NDUFAF6: variants seen among roughly 807,000 people sequenced by gnomAD.
NDUFAF6 encodes NADH dehydrogenase (ubiquinone) complex I, assembly factor 6.
A neutral mutation model predicts 40.8 loss-of-function variants in NDUFAF6; 45 were observed. The ratio of observed to expected loss-of-function variants is 1.10; its 90% CI spans 0.87 to 1.42. The LOEUF (loss-of-function observed/expected upper bound fraction) is 1.42, where lower values mean the gene tolerates loss of function less well. NDUFAF6 is among the 40% of genes most tolerant of loss of function. The probability of loss-of-function intolerance (pLI) is 0.00; values close to 1 mark genes in which losing one functional copy is unlikely to be tolerated. For synonymous variants in NDUFAF6, 185 were observed against 155.9 expected, an observed-to-expected ratio of 1.19 and a Z score of -1.39; for missense variants, 435 against 418.5, an observed-to-expected ratio of 1.04 and a Z score of -0.34.
intron 1 of NDUFAF6, chr8:94,940,303 T>A: frequency 2.1e-6 from 3 of 1,460,702 alleles, no homozygotes; most frequent in South Asian, 2.7e-5. Flanking sequence ...GCAGTCATTA[T>A]AAAGTCACCC....
intron 3 of NDUFAF6, among the ~76,000 whole-genome samples, chr8:95,038,307 A>G (rs1829742016): frequency 6.6e-6 from 1 of 152,114 alleles, no homozygotes; most frequent in Middle Eastern, 3.2e-3. Context: ...TTTTGTGACA[A>G]ATTGCATTTG....
At chr8:94,932,158 C>A in intron 1 of NDUFAF6, 1 of 1,568,398 alleles carries the variant, frequency 6.4e-7, no homozygotes, top group Admixed American at 1.8e-5. Flanking sequence ...ATTTAAAATG[C>A]TATTGTAACT....
chr8:94,944,403 C>T (rs1199363094), intron 1 of NDUFAF6, among the ~76,000 whole-genome samples: 1 of 152,144 alleles, frequency 6.6e-6, no homozygotes, highest in Non-Finnish European at 1.5e-5. Context: ...CCTCTGGCCA[C>T]AGGTCCAAAC....
At chr8:95,045,442 A>G (rs1477993723) in intron 4 of NDUFAF6, 103 bp from the exon 5 acceptor site, 1 of 767,900 alleles carries the variant, frequency 1.3e-6, no homozygotes, top group Admixed American at 2.0e-5. Context: ...CATATACTGA[A>G]TATTTTTATT....
chr8:95,048,585 A>G (rs751397065), intron 7 of NDUFAF6, 27 bp downstream of exon 7: 1 of 1,462,684 alleles, frequency 6.8e-7, no homozygotes. Flanking sequence ...TTGCCAAATC[A>G]TTTAGGGAAT....
intron 1 of NDUFAF6, among the ~76,000 whole-genome samples, chr8:94,974,250 G>GAA (rs542718809): frequency 7.0e-6 from 1 of 142,890 alleles, no homozygotes; most frequent in Admixed American, 7.0e-5. Context: ...TTATTATAAG[G>GAA]AAAAAAAAAA....
chr8:95,059,131 C>T (rs1363431719), downstream of NDUFAF6, among the ~76,000 whole-genome samples: 1 of 152,122 alleles, frequency 6.6e-6, no homozygotes, highest in Admixed American at 6.5e-5. Flanking sequence ...GGTAATCGGT[C>T]GATCTGACTC....
chr8:95,037,402 T>C (rs1418068265), intron 3 of NDUFAF6, among the ~76,000 whole-genome samples: 1 of 152,236 alleles, frequency 6.6e-6, no homozygotes, highest in African/African-American at 2.4e-5. Context: ...TATTTAGTAC[T>C]TTTTTATGTG....
At chr8:94,963,313 G>A (rs1823752681) in intron 1 of NDUFAF6, among the ~76,000 whole-genome samples, 1 of 152,288 alleles carries the variant, frequency 6.6e-6, no homozygotes, top group South Asian at 2.1e-4. Context: ...AGTGAATGAA[G>A]CAGTGGTCCT....
At chr8:95,026,670 C>G (rs1363783221) in intron 1 of NDUFAF6, among the ~76,000 whole-genome samples, 1 of 152,082 alleles carries the variant, frequency 6.6e-6, no homozygotes, top group African/African-American at 2.4e-5. Context: ...GTATACCACC[C>G]AATAGCCGCT....
downstream of NDUFAF6, among the ~76,000 whole-genome samples, chr8:95,077,572 C>A (rs911422709): frequency 3.9e-5 from 6 of 152,178 alleles, no homozygotes; most frequent in South Asian, 2.1e-4. Context: ...TTAAAACTTA[C>A]AAAGTCTTTA....
rs534700728 is a variant in NDUFAF6 at position 95,002,680 on chromosome 8, T to C, written c.-84+21707T>C. ...TCAACCATTACTTAACATTATTCAG[T>C]ACCTGTTATGCTAGGTGCTGGGATG... On this transcript the variant is annotated intron_variant, in intron 2 of 9. Coordinates refer to the NDUFAF6 transcript ENST00000396111. 3.9e-5 allele frequency among the ~76,000 whole-genome samples: 6 copies of C among 152,344 alleles called. No homozygotes were observed. In the South Asian group the frequency reaches 1.2e-3, roughly 32 times the overall value.
chr8:94,952,894 C>T (rs1230953105), intron 2 of NDUFAF6, among the ~76,000 whole-genome samples: 1 of 152,184 alleles, frequency 6.6e-6, no homozygotes, highest in African/African-American at 2.4e-5. Context: ...ATTCAGTAAC[C>T]AGTGCTAGGG....
At chr8:95,067,101 C>T (rs1002719108) in intron 9 of NDUFAF6, 4 of 152,200 alleles carry the variant, frequency 2.6e-5, no homozygotes, top group African/African-American at 7.2e-5. Context: ...TCACAAATGT[C>T]TCAAAGCAGT....
At chr8:95,018,205 AT>A (rs34118633) in intron 2 of NDUFAF6, among the ~76,000 whole-genome samples, 75 of 145,128 alleles carry the variant, frequency 5.2e-4, no homozygotes, top group African/African-American at 1.3e-3. Context: ...ATGCTTGGCT[AT>A]TTTTTTTTTT....
At chr8:95,089,838 G>A (rs147487894) in intron 2 of NDUFAF6, among the ~76,000 whole-genome samples, 40 of 152,290 alleles carry the variant, frequency 2.6e-4, no homozygotes, top group Middle Eastern at 6.8e-3. Context: ...ATCCCAGAGA[G>A]GTTGAAAAAT....
chr8:95,032,692 A>C (rs946154300), intron 2 of NDUFAF6, among the ~76,000 whole-genome samples: 1 of 152,338 alleles, frequency 6.6e-6, no homozygotes, highest in South Asian at 2.1e-4. Flanking sequence ...CTCAGTAATA[A>C]ATTGAGAGGT....
At chr8:94,908,018 GTT>G (rs1275054746) in intron 1 of NDUFAF6, among the ~76,000 whole-genome samples, 1 of 152,144 alleles carries the variant, frequency 6.6e-6, no homozygotes, top group East Asian at 1.9e-4. Flanking sequence ...GTTTAATACA[GTT>G]TATTTCCCTT....
chr8:94,916,686 T>C (rs1819143129), intron 1 of NDUFAF6, among the ~76,000 whole-genome samples: 1 of 151,750 alleles, frequency 6.6e-6, no homozygotes, highest in Non-Finnish European at 1.5e-5. Context: ...TGGTGGCACG[T>C]GCCTAAATTC....
Sources: allele counts gnomAD v4.1 joint callset (sites outside exome capture counted in the v4.1 genomes callset), GRCh38; gene constraint gnomAD v4.1.1; transcripts MANE v1.5; gene names NCBI Gene and HGNC (gene_info 2026-07-23, HGNC 2026-07-21).